Variants in MACROH2A2 observed in about 807,000 individuals in gnomAD.
MACROH2A2 encodes core histone macro-H2A.2.
MACROH2A2 carries 6 observed loss-of-function variants against 37.6 expected under a neutral mutation model. The observed-to-expected ratio is 0.16, with a 90% CI of 0.09 to 0.32. The LOEUF (loss-of-function observed/expected upper bound fraction) is 0.32. Among genes scored for constraint, MACROH2A2 ranks in the 10% least tolerant of loss-of-function variants. The probability of loss-of-function intolerance (pLI) is 1.00; values close to 1 mark genes in which losing one functional copy is unlikely to be tolerated. For missense variants in MACROH2A2, 290 were observed against 485.9 expected (o/e 0.60, Z 3.79); for synonymous variants, 192 against 202.7 (o/e 0.95, Z 0.45).
chr10:70,085,208 C>A (rs917433158), intron 2 of MACROH2A2, among the ~76,000 whole-genome samples: 1 of 151,972 alleles, frequency 6.6e-6, no homozygotes, highest in Admixed American at 6.6e-5. Context: ...GTTCTAAGGG[C>A]GAAGAGAAAC....
rs532165121 is a variant in MACROH2A2, at chr10:70,065,234, G to A, written c.-59-10366G>A. Among the ~76,000 whole-genome samples the A allele has an allele frequency of 3.9e-4, 60 of 151,950 alleles. 1 individual carries two copies. Among genetic ancestry groups the A allele is most frequent in the African/African-American group, 1.3e-3 (53 of 41,440 alleles). On this transcript the variant is annotated intron_variant, in intron 1 of 8. Transcript: ENST00000373255. ...TGGGATTACAGGCACGCACCACCAC[G>A]CTCAGCTAATTTTTGTATTTTTAGT...
intron 1 of MACROH2A2, among the ~76,000 whole-genome samples, chr10:70,054,042 C>T (rs563948448): frequency 6.6e-6 from 1 of 152,262 alleles, no homozygotes; most frequent in South Asian, 2.1e-4. Context: ...TCCTCCCCCG[C>T]CTTTCCTTGG....
chr10:70,092,316 C>A (rs374609085), intron 4 of MACROH2A2, among the ~76,000 whole-genome samples: 42 of 152,276 alleles, frequency 2.8e-4, no homozygotes, highest in African/African-American at 9.4e-4. Context: ...GCCTGTAATC[C>A]CAACACTTTG....
chr10:70,097,442 G>A (rs560163112), intron 6 of MACROH2A2, among the ~76,000 whole-genome samples: 16 of 152,208 alleles, frequency 1.1e-4, no homozygotes, highest in African/African-American at 2.6e-4. Context: ...CTCCCATTAC[G>A]ATTCCATTTT....
At chr10:70,082,543 G>A (rs936985302) in intron 2 of MACROH2A2, among the ~76,000 whole-genome samples, 2 of 152,174 alleles carry the variant, frequency 1.3e-5, no homozygotes, top group African/African-American at 2.4e-5. Flanking sequence ...ACCAAGTGTC[G>A]ATCAACAGAC....
At chr10:70,076,141 C>A (rs2072138341) in intron 2 of MACROH2A2, among the ~76,000 whole-genome samples, 1 of 152,190 alleles carries the variant, frequency 6.6e-6, no homozygotes, top group Admixed American at 6.5e-5. Context: ...ATATAAATAT[C>A]TAAGCTCCTG....
intron 1 of MACROH2A2, among the ~76,000 whole-genome samples, chr10:70,064,925 C>G (rs779782585): frequency 2.0e-5 from 3 of 152,154 alleles, no homozygotes; most frequent in Non-Finnish European, 4.4e-5. Flanking sequence ...CACACACACC[C>G]GGAGATCCCA....
chr10:70,085,176 C>T (rs757016790), intron 2 of MACROH2A2, among the ~76,000 whole-genome samples: 1 of 152,048 alleles, frequency 6.6e-6, no homozygotes, highest in Non-Finnish European at 1.5e-5. Flanking sequence ...CTGGTAGGAG[C>T]CATGTGTGGA....
intron 7 of MACROH2A2, among the ~76,000 whole-genome samples, chr10:70,106,405 T>C (rs7917290): frequency 0.25 from 38,068 of 152,128 alleles, 5,581 homozygotes; most frequent in East Asian, 0.41. Flanking sequence ...CCAGTTGCCA[T>C]GAACATACTT....
chr10:70,084,905 T>C (rs1170800442), intron 2 of MACROH2A2, among the ~76,000 whole-genome samples: 2 of 152,132 alleles, frequency 1.3e-5, no homozygotes, highest in Non-Finnish European at 2.9e-5. Context: ...AGCATCTTTT[T>C]CTAATTTGCA....
At chr10:70,060,551 C>G (rs2072044595) in intron 1 of MACROH2A2, among the ~76,000 whole-genome samples, 1 of 152,068 alleles carries the variant, frequency 6.6e-6, no homozygotes, top group Non-Finnish European at 1.5e-5. Flanking sequence ...TCTCTGGAAG[C>G]CCCTGGTGGA....
chr10:70,053,660 C>T lies in MACROH2A2; in HGVS notation c.-60+660C>T, dbSNP rs1352506173. 6.6e-6 allele frequency among the ~76,000 whole-genome samples: 1 copy of T among 151,020 alleles called. No individual in the cohort carries two copies. The highest frequency in any genetic ancestry group is 1.5e-5 in the Non-Finnish European group (1 of 67,684). The stretch of plus-strand genomic sequence containing the variant: ...TGCGCGGACACCCGGGCGCCGCGGG[C>T]GGGCGTGCGCCCCGGGGCCGGCGCG... On this transcript the variant is annotated intron_variant, in intron 1 of 8. Coordinates refer to ENST00000373255, the MANE Select transcript of MACROH2A2 (RefSeq NM_018649.3). This position sits in a 1 kb window ranked among gnomAD's most constrained non-coding sequence, Gnocchi z 4.8.
At chr10:70,069,783 G>A (rs988026604) in intron 1 of MACROH2A2, among the ~76,000 whole-genome samples, 10 of 151,966 alleles carry the variant, frequency 6.6e-5, no homozygotes, top group South Asian at 6.2e-4. Context: ...GGCCTACACC[G>A]AGACTCCAAT....
intron 1 of MACROH2A2, among the ~76,000 whole-genome samples, chr10:70,060,367 T>TAA (rs80278752): frequency 1.2e-4 from 17 of 146,514 alleles, no homozygotes; most frequent in African/African-American, 2.3e-4. Flanking sequence ...CAGACTCTCT[T>TAA]AAAAAAAAAA....
At chr10:70,086,465 G>C (rs1045363486) in intron 2 of MACROH2A2, among the ~76,000 whole-genome samples, 1 of 152,020 alleles carries the variant, frequency 6.6e-6, no homozygotes, top group Non-Finnish European at 1.5e-5. Flanking sequence ...CTTCAGTCTC[G>C]TCCTATGCTA....
intron 1 of MACROH2A2, among the ~76,000 whole-genome samples, chr10:70,068,541 G>T (rs1564541187): frequency 6.6e-6 from 1 of 152,192 alleles, no homozygotes; most frequent in African/African-American, 2.4e-5. Flanking sequence ...CTTGGAGTCA[G>T]ATTGGACACT....
chr10:70,068,857 T>C (rs1306507929), intron 1 of MACROH2A2, among the ~76,000 whole-genome samples: 3 of 152,220 alleles, frequency 2.0e-5, no homozygotes, highest in African/African-American at 7.2e-5. Flanking sequence ...AACTTCATTT[T>C]GGTCTGTCAG....
At chr10:70,084,897 C>T (rs2072201837) in intron 2 of MACROH2A2, among the ~76,000 whole-genome samples, 1 of 152,158 alleles carries the variant, frequency 6.6e-6, no homozygotes, top group South Asian at 2.1e-4. Context: ...CGGCTAGGAG[C>T]ATCTTTTTCT....
rs531910796 is a variant in MACROH2A2, at chr10:70,066,929, G to T, written c.-59-8671G>T. Among the ~76,000 whole-genome samples, 11 of 152,242 alleles carry T rather than the reference G, an allele frequency of 7.2e-5. No homozygotes were observed. The South Asian group carries it at 2.1e-3, about 29-fold the overall frequency. On this transcript the variant is annotated intron_variant, in intron 1 of 8. Transcript: ENST00000373255. ...TTAGTGCCATGTTTTTCATATGTTT[G>T]TGCTTTTTGTTGGTGATTTTGCTGT...
Sources: gnomAD v4.1 joint callset for allele counts (sites outside exome capture counted in the v4.1 genomes callset) on GRCh38, gnomAD v4.1.1 for gene constraint, Gnocchi (gnomAD v3.1) non-coding constraint, MANE v1.5 for transcripts, NCBI Gene and HGNC (gene_info 2026-07-23, HGNC 2026-07-21) for gene names.